UACA: variants seen among roughly 807,000 people sequenced by gnomAD.
The protein encoded by UACA is nuclear membrane binding protein.
In UACA, 112 loss-of-function variants were observed where a neutral mutation model predicts 160.5. The ratio of observed to expected loss-of-function variants is 0.70; its 90% CI spans 0.60 to 0.82. UACA has a LOEUF of 0.82. Ranked by LOEUF, UACA falls within the 40% of genes least tolerant of loss-of-function variation. The probability of loss-of-function intolerance (pLI) is 0.00; values close to 1 mark genes in which losing one functional copy is unlikely to be tolerated. For missense variants in UACA, 1,574 were observed against 1,614.6 expected, an observed-to-expected ratio of 0.97 and a Z score of 0.43; for synonymous variants, 557 against 568.4, an observed-to-expected ratio of 0.98 and a Z score of 0.29.
chr15:70,669,379 T>C lies in UACA; in HGVS notation c.1305A>G (p.Ser435=). The change falls in exon 16 of 19, where the codon TCA becomes TCG. Residue 435 remains serine, a synonymous_variant. Transcript: ENST00000322954. ...PLELSLPSQT[S]YSENEILKKE... ...TCTTTAAAATTTCATTTTCAGAGTA[T>C]GACGTTTGACTGGGTAAAGATAGTT... 1.9e-6 allele frequency: 3 copies of C among 1,613,936 alleles called. No individual in the cohort carries two copies. Among genetic ancestry groups the C allele is most frequent in the Non-Finnish European group, 2.5e-6 (3 of 1,179,950 alleles).
chr15:70,735,820 TG>T (rs368771042), intron 1 of UACA, among the ~76,000 whole-genome samples: 57 of 152,134 alleles, frequency 3.7e-4, no homozygotes, highest in African/African-American at 1.3e-3. Context: ...GGACTACAGG[TG>T]TAAGACACCA....
chr15:70,745,407 C>T (rs943749497), intron 1 of UACA, among the ~76,000 whole-genome samples: 8 of 149,898 alleles, frequency 5.3e-5, no homozygotes, highest in African/African-American at 7.4e-5. Flanking sequence ...CCACTGCACT[C>T]CAGCCTGGGC....
chr15:70,723,719 G>A (rs1899061805), intron 1 of UACA, among the ~76,000 whole-genome samples: 1 of 149,136 alleles, frequency 6.7e-6, no homozygotes, highest in Non-Finnish European at 1.5e-5. Flanking sequence ...TGCAAGTTCC[G>A]CCTCCCAGGT....
chr15:70,698,238 A>C (rs1898203512), intron 2 of UACA, among the ~76,000 whole-genome samples: 1 of 152,148 alleles, frequency 6.6e-6, no homozygotes, highest in Non-Finnish European at 1.5e-5. Flanking sequence ...GCCACCAGTC[A>C]CTCAAAACAT....
At chr15:70,724,882 A>G (rs1339634487) in intron 1 of UACA, among the ~76,000 whole-genome samples, 1 of 151,846 alleles carries the variant, frequency 6.6e-6, no homozygotes, top group Non-Finnish European at 1.5e-5. Context: ...CAGAAGTTTG[A>G]GACCAGCCTC....
upstream of UACA, among the ~76,000 whole-genome samples, chr15:70,764,860 C>T (rs1245454189): frequency 2.0e-5 from 3 of 152,128 alleles, no homozygotes; most frequent in Admixed American, 1.3e-4. Context: ...TGGTCAGTTA[C>T]TCTGTTCTCA....
intron 1 of UACA, among the ~76,000 whole-genome samples, chr15:70,741,368 G>T (rs142473465): frequency 4.6e-5 from 7 of 152,316 alleles, no homozygotes; most frequent in African/African-American, 1.7e-4. Context: ...ATCAAACAGG[G>T]ATCTGGGGCA....
chr15:70,715,202 T>G (rs1898789517), intron 1 of UACA, among the ~76,000 whole-genome samples: 2 of 152,218 alleles, frequency 1.3e-5, no homozygotes, highest in Admixed American at 6.5e-5. Context: ...AGGGTCACTG[T>G]GCCTTCTATC....
At chr15:70,695,261 T>TA (rs943682742) in intron 2 of UACA, among the ~76,000 whole-genome samples, 156 bp from the exon 3 acceptor site, 2 of 151,964 alleles carry the variant, frequency 1.3e-5, no homozygotes. Context: ...TAATTAAAAT[T>TA]AAAAAAAGAA....
intron 11 of UACA, among the ~76,000 whole-genome samples, chr15:70,677,864 G>C (rs1341064450): frequency 6.6e-6 from 1 of 152,108 alleles, no homozygotes; most frequent in African/African-American, 2.4e-5. Flanking sequence ...GCCCCCCTCA[G>C]AAGCGGCAGC....
intron 1 of UACA, among the ~76,000 whole-genome samples, chr15:70,729,813 T>A (rs1216219964): frequency 7.3e-6 from 1 of 136,198 alleles, no homozygotes; most frequent in Non-Finnish European, 1.5e-5. Flanking sequence ...GCAGACTGCC[T>A]CCTCAAGTGG....
At position 70,667,251 on chromosome 15, in the gene UACA, C is replaced by G. The variant is rs2140900147; in HGVS notation, c.3433G>C (p.Glu1145Gln). 1.9e-6 allele frequency: 3 copies of G among 1,613,758 alleles called. No individual in the cohort carries two copies. The highest frequency in any genetic ancestry group is 2.5e-6 in the Non-Finnish European group (3 of 1,179,914). ...LKSMQRCYEK[E>Q]QQTVTKLHQL... The stretch of plus-strand genomic sequence containing the variant: ...TGCAGTTTGGTCACTGTCTGCTGCT[C>G]TTTCTCGTAACACCTTTGCATACTC... Residue 1145 changes from glutamate to glutamine, a missense_variant, in exon 16 of 19, where the codon GAG (glutamate) becomes CAG (glutamine). Physicochemically the swap from Glu to Gln is conservative, Grantham distance 29. Transcript: ENST00000322954.
At chr15:70,722,794 T>G (rs769322410) in intron 1 of UACA, among the ~76,000 whole-genome samples, 10 of 152,200 alleles carry the variant, frequency 6.6e-5, no homozygotes, top group Non-Finnish European at 1.3e-4. Context: ...TCAAAGCTCA[T>G]TAAAATCTCA....
chr15:70,702,009 C>A (rs1334090860), intron 1 of UACA: 20 of 1,567,596 alleles, frequency 1.3e-5, no homozygotes, highest in Non-Finnish European at 1.7e-5. Flanking sequence ...CAGACAAACT[C>A]CTGACAAGTG....
At chr15:70,762,911 C>T (rs540575918) in intron 1 of UACA, among the ~76,000 whole-genome samples, 13 of 152,160 alleles carry the variant, frequency 8.5e-5, no homozygotes, top group Non-Finnish European at 1.9e-4. Flanking sequence ...GTGCGAGCCC[C>T]GGCCCCGGGG....
intron 11 of UACA, 79 bp from the exon 12 acceptor site, chr15:70,677,219 A>T (rs1214807155): frequency 6.2e-6 from 7 of 1,122,098 alleles, no homozygotes; most frequent in East Asian, 2.4e-5. Flanking sequence ...AAGATATTTT[A>T]AAAAGATTGG....
chr15:70,726,546 T>G (rs376643888), intron 1 of UACA, among the ~76,000 whole-genome samples: 1 of 152,206 alleles, frequency 6.6e-6, no homozygotes, highest in East Asian at 1.9e-4. Flanking sequence ...CTTTACTTTT[T>G]CTTCTGAAAT....
intron 12 of UACA, among the ~76,000 whole-genome samples, 170 bp from the exon 13 acceptor site, chr15:70,676,761 A>ATACAATATCT (rs1897315291): frequency 6.6e-6 from 1 of 152,224 alleles, no homozygotes; most frequent in South Asian, 2.1e-4. Context: ...CAAATATACT[A>ATACAATATCT]ATGAAACATA....
chr15:70,694,412 T>TA (rs1172722445), intron 3 of UACA, among the ~76,000 whole-genome samples: 1 of 151,896 alleles, frequency 6.6e-6, no homozygotes, highest in African/African-American at 2.4e-5. Context: ...ATGATTTTTT[T>TA]ATAAATATAG....
Sources: allele counts gnomAD v4.1 joint callset (sites outside exome capture counted in the v4.1 genomes callset), GRCh38; gene constraint gnomAD v4.1.1; transcripts MANE v1.5; gene names NCBI Gene and HGNC (gene_info 2026-07-23, HGNC 2026-07-21).